The following SCCPDH variants were observed in gnomAD, a reference collection of about 807,000 sequenced individuals.
SCCPDH encodes saccharopine dehydrogenase-like oxidoreductase.
In SCCPDH, 34 loss-of-function variants were observed where a neutral mutation model predicts 51.5. The ratio of observed to expected loss-of-function variants is 0.66; its 90% CI spans 0.50 to 0.88. The LOEUF is 0.88. Ranked by LOEUF, SCCPDH falls within the 40% of genes least tolerant of loss-of-function variation. SCCPDH has a pLI of 0.00. For missense variants in SCCPDH, 464 were observed against 527.1 expected (o/e 0.88, Z 1.17); for synonymous variants, 187 against 191.3 (o/e 0.98, Z 0.19).
chr1:246,747,154 C>G (rs1344722552), intron 5 of SCCPDH, among the ~76,000 whole-genome samples: 1 of 152,014 alleles, frequency 6.6e-6, no homozygotes, highest in Non-Finnish European at 1.5e-5. Context: ...TTGTTTCTCC[C>G]TTTTTGTCTC....
rs778703881 is a variant in SCCPDH at position 246,760,176 on chromosome 1, A to G, written c.939A>G (p.Pro313=). The G allele has an allele frequency of 3.1e-6, 5 of 1,608,716 alleles. No individual in the cohort carries two copies. The African/African-American group carries it at 4.0e-5, about 13-fold the overall frequency. The part of the protein sequence containing the change: ...GIGRQLLIKF[P]WFFSFGYFSK... ...CGGTTTTTTTTTCCCTTTAGTTCCCATGGTTCTTCTCCTTTGGCTATTTTT... is the reference window on the plus strand; with the variant it reads ...CGGTTTTTTTTTCCCTTTAGTTCCCGTGGTTCTTCTCCTTTGGCTATTTTT... The change falls in exon 9 of 12, where the codon CCA becomes CCG. Residue 313 remains proline, a synonymous_variant. Transcript: ENST00000366510.
chr1:246,762,520 G>C (rs770721785), intron 9 of SCCPDH, among the ~76,000 whole-genome samples: 1 of 152,096 alleles, frequency 6.6e-6, no homozygotes, highest in African/African-American at 2.4e-5. Context: ...CCACTGCTTT[G>C]GCAGTGATTC....
intron 5 of SCCPDH, among the ~76,000 whole-genome samples, chr1:246,753,683 C>T (rs1228947601): frequency 6.6e-6 from 1 of 151,922 alleles, no homozygotes; most frequent in African/African-American, 2.4e-5. Context: ...TGTTCACGTT[C>T]CAAGACTCCC....
At position 246,760,212 on chromosome 1, in the gene SCCPDH, C is replaced by T; in HGVS notation, c.975C>T (p.Gly325=). 1 of 1,608,802 alleles carries T rather than the reference C, an allele frequency of 6.2e-7. No homozygotes were observed. Among genetic ancestry groups the T allele is most frequent in the Non-Finnish European group, 8.5e-7 (1 of 1,178,452 alleles). ...CCTTTGGCTATTTTTCAAAACAAGG[C>T]CCAACACAAAAACAGGTAATTTCTT... is the stretch of plus-strand genomic sequence containing the variant. ...FFSFGYFSKQ[G]PTQKQIDAAS... Residue 325 remains glycine, a synonymous_variant, in exon 9 of 12, where the codon GGC becomes GGT. Coordinates refer to ENST00000366510, the MANE Select transcript of SCCPDH (RefSeq NM_016002.3).
intron 2 of SCCPDH, among the ~76,000 whole-genome samples, chr1:246,731,147 C>G (rs1271545705): frequency 1.3e-5 from 2 of 152,146 alleles, no homozygotes; most frequent in African/African-American, 4.8e-5. Flanking sequence ...GGAGAAGTGT[C>G]TCCCCGAGAT....
At chr1:246,757,141 C>T (rs1364700812) in intron 5 of SCCPDH, among the ~76,000 whole-genome samples, 6 of 152,060 alleles carry the variant, frequency 3.9e-5, no homozygotes, top group African/African-American at 1.4e-4. Context: ...GTCAGAAGTT[C>T]GAGACCAGCC....
At chr1:246,729,894 C>G (rs1200329231) in intron 2 of SCCPDH, among the ~76,000 whole-genome samples, 7 of 152,172 alleles carry the variant, frequency 4.6e-5, no homozygotes, top group Non-Finnish European at 7.3e-5. Flanking sequence ...TGTTCTTCTG[C>G]CGTGGCTTCA....
intron 11 of SCCPDH, 62 bp from the exon 12 acceptor site, chr1:246,767,133 C>T (rs2102992341): frequency 8.7e-7 from 1 of 1,146,388 alleles, no homozygotes; most frequent in Non-Finnish European, 1.2e-6. Context: ...ATAGTGAGGC[C>T]TGTGAAATAG....
chr1:246,725,349 G>C (rs1668379961), intron 1 of SCCPDH, among the ~76,000 whole-genome samples: 1 of 152,056 alleles, frequency 6.6e-6, no homozygotes, highest in African/African-American at 2.4e-5. Context: ...ATTGAGTGAC[G>C]TTGTCCATGC....
In SCCPDH at chr1:246,758,306, T is replaced by C. The variant is rs1668960983; in HGVS notation, c.645T>C (p.Asn215=). The C allele has an allele frequency of 1.9e-6, 3 of 1,611,344 alleles. No individual in the cohort carries two copies. Among genetic ancestry groups the C allele is most frequent in the Admixed American group, 1.7e-5 (1 of 59,494 alleles). ...GDQSNLRKLR[N]VSNLKPVPLI... is the part of the protein sequence containing the mutation. ...AGAGTAATTTGAGAAAACTAAGAAA[T>C]GTATCAAATCTGAAACCTGTCCCGC... Residue 215 remains asparagine (N), a synonymous_variant, in exon 6 of 12, where the codon AAT becomes AAC. Coordinates refer to ENST00000366510, the MANE Select transcript of SCCPDH (RefSeq NM_016002.3).
At chr1:246,741,592 G>C (rs61852481) in intron 4 of SCCPDH, among the ~76,000 whole-genome samples, 25,255 of 151,888 alleles carry the variant, frequency 0.17, 3,310 homozygotes, top group African/African-American at 0.36. Context: ...GCCACCATGC[G>C]CAGCTCATCC....
intron 3 of SCCPDH, among the ~76,000 whole-genome samples, chr1:246,738,240 C>T (rs1414463334): frequency 1.3e-5 from 2 of 151,508 alleles, no homozygotes; most frequent in South Asian, 2.1e-4. Context: ...GGGCTGGGTG[C>T]GGTGGCTCAC....
rs571251002 is a variant in SCCPDH at position 246,745,178 on chromosome 1, C to A, written c.564+1053C>A. Among the ~76,000 whole-genome samples, 6 of 151,512 alleles carry A rather than the reference C, an allele frequency of 4.0e-5. No homozygotes were observed. In the South Asian group the frequency reaches 1.2e-3, roughly 31 times the overall value. On this transcript the variant is annotated intron_variant, in intron 5 of 11. Coordinates refer to ENST00000366510, the MANE Select transcript of SCCPDH (RefSeq NM_016002.3). ...TGCATTTGGGAACGTAAGACATTGA[C>A]GTTGGGAACGTAAGACATTGACGTT...
chr1:246,763,830 G>T (rs1283111707), intron 9 of SCCPDH, among the ~76,000 whole-genome samples: 1 of 152,110 alleles, frequency 6.6e-6, no homozygotes, highest in African/African-American at 2.4e-5. Flanking sequence ...AAGTCCTCAA[G>T]AATTTAGTTT....
intron 2 of SCCPDH, 139 bp downstream of exon 2, chr1:246,727,143 G>A (rs528692023): frequency 4.6e-5 from 31 of 668,320 alleles, no homozygotes; most frequent in East Asian, 4.1e-4. Context: ...TTCTTCTTGC[G>A]AGGAGCAGCT....
At chr1:246,754,844 G>A (rs1366406430) in intron 5 of SCCPDH, among the ~76,000 whole-genome samples, 1 of 150,420 alleles carries the variant, frequency 6.6e-6, no homozygotes, top group Non-Finnish European at 1.5e-5. Flanking sequence ...CTTTTTTTTG[G>A]TCTGTCTAGC....
rs1455858928 is a variant in SCCPDH at position 246,740,102 on chromosome 1, G to A, written c.385-70G>A. On this transcript the variant is annotated intron_variant, in intron 3 of 11. Coordinates refer to ENST00000366510, the MANE Select transcript of SCCPDH (RefSeq NM_016002.3). ...AAAGTTTGGTTGCTTTGTTTTTAAA[G>A]ATAAATTATTTAATACTGGTCTACA... 3 of 1,243,380 alleles carry A rather than the reference G, an allele frequency of 2.4e-6. No individual in the cohort carries two copies. The Admixed American group carries it at 7.2e-5, about 30-fold the overall frequency. The allele number at this position is 1,243,380 out of a possible 1,614,324, so 77.0% of individuals were successfully genotyped here.
chr1:246,757,330 GCAAGACT>G (rs1668945521), intron 5 of SCCPDH, among the ~76,000 whole-genome samples: 2 of 118,890 alleles, frequency 1.7e-5, no homozygotes, highest in Non-Finnish European at 3.3e-5. Flanking sequence ...GGTGACAAGA[GCAAGACT>G]CTGTCTCAAA....
chr1:246,761,671 T>C (rs978335564), intron 9 of SCCPDH, among the ~76,000 whole-genome samples: 1 of 152,256 alleles, frequency 6.6e-6, no homozygotes, highest in African/African-American at 2.4e-5. Flanking sequence ...GTGACTGGCT[T>C]ATTTCACCTA....
Sources: allele counts gnomAD v4.1 joint callset (sites outside exome capture counted in the v4.1 genomes callset), GRCh38; gene constraint gnomAD v4.1.1; transcripts MANE v1.5; gene names NCBI Gene and HGNC (gene_info 2026-07-23, HGNC 2026-07-21).